PSMD1: variants seen among roughly 807,000 people sequenced by gnomAD.
PSMD1 encodes the protein proteasome 26S subunit, non-ATPase 1, also known as 26S proteasome non-ATPase regulatory subunit 1.
PSMD1 carries 18 observed loss-of-function variants against 119.0 expected under a neutral mutation model. The ratio of observed to expected loss-of-function variants is 0.15; its 90% CI spans 0.10 to 0.22. The LOEUF (loss-of-function observed/expected upper bound fraction) is 0.22. Ranked by LOEUF, PSMD1 falls within the 10% of genes least tolerant of loss-of-function variation. PSMD1 has a pLI of 1.00. For missense variants in PSMD1, 702 were observed against 1,158.5 expected (o/e 0.61, Z 5.72); for synonymous variants, 374 against 396.6 (o/e 0.94, Z 0.68).
chr2:231,164,049 CT>C (rs1158332111), intron 21 of PSMD1, among the ~76,000 whole-genome samples: 2 of 152,206 alleles, frequency 1.3e-5, no homozygotes, highest in Admixed American at 1.3e-4. Context: ...ATTTTTAAAA[CT>C]TTCAATGTAT....
At chr2:231,115,712 G>T (rs554083103) in intron 16 of PSMD1, among the ~76,000 whole-genome samples, 1 of 152,172 alleles carries the variant, frequency 6.6e-6, no homozygotes, top group Admixed American at 6.5e-5. Context: ...TGAATATAGA[G>T]GTAAGGAGGG....
At chr2:231,151,310 A>G (rs758502774) in intron 18 of PSMD1, among the ~76,000 whole-genome samples, 2 of 152,144 alleles carry the variant, frequency 1.3e-5, no homozygotes, top group African/African-American at 4.8e-5. Flanking sequence ...TAGTCTTCAT[A>G]TCTGTAACTA....
chr2:231,139,558 TAA>T (rs35924284), intron 17 of PSMD1, among the ~76,000 whole-genome samples: 23 of 114,320 alleles, frequency 2.0e-4, no homozygotes, highest in African/African-American at 7.2e-4. Context: ...ATTGATTTCT[TAA>T]AAAAAAAAAA....
intron 18 of PSMD1, among the ~76,000 whole-genome samples, chr2:231,150,810 A>T (rs1440770637): frequency 2.6e-5 from 4 of 152,210 alleles, no homozygotes; most frequent in Non-Finnish European, 4.4e-5. Context: ...ACAGACAAAA[A>T]AAACACCTCC....
At chr2:231,150,419 TATATAGAGAC>T (rs540140141) in intron 18 of PSMD1, among the ~76,000 whole-genome samples, 219 of 151,908 alleles carry the variant, frequency 1.4e-3, no homozygotes, top group Middle Eastern at 3.4e-3. Context: ...TATAGACATA[TATATAGAGAC>T]ATATAGAGAC....
chr2:231,098,371 T>G (rs368444980), intron 16 of PSMD1, among the ~76,000 whole-genome samples: 27 of 152,266 alleles, frequency 1.8e-4, no homozygotes, highest in African/African-American at 6.3e-4. Context: ...CTTTACTACT[T>G]CTATCTCTCT....
intron 5 of PSMD1, among the ~76,000 whole-genome samples, chr2:231,068,983 T>A (rs1043475600): frequency 1.3e-5 from 2 of 152,162 alleles, no homozygotes; most frequent in Non-Finnish European, 2.9e-5. Flanking sequence ...TGTGCATAAT[T>A]TATATAGAGT....
intron 9 of PSMD1, among the ~76,000 whole-genome samples, chr2:231,077,917 A>T (rs1180383857): frequency 6.6e-6 from 1 of 152,244 alleles, no homozygotes; most frequent in Non-Finnish European, 1.5e-5. Context: ...GGAGAATCAT[A>T]TAGTCTCCAT....
At position 231,172,715 on chromosome 2, in the gene PSMD1, C is replaced by G. The variant is rs1223370434; in HGVS notation, c.*190C>G. 6.6e-6 allele frequency: 1 copy of G among 152,180 alleles called. No individual in the cohort carries two copies. The highest frequency in any genetic ancestry group is 1.5e-5 in the Non-Finnish European group (1 of 68,050). The allele number at this position is 152,180 out of a possible 1,614,324, so 9.4% of individuals were successfully genotyped here. ...TATGACTGTTGAGTGTGCTCTTTCA[C>G]AGAACTTGGTTTTCAAATAAATATA... On this transcript the variant is annotated 3_prime_UTR_variant, in exon 25 of 25. Coordinates refer to ENST00000308696, the MANE Select transcript of PSMD1 (RefSeq NM_002807.4).
chr2:231,169,356 AC>A (rs893084285), intron 23 of PSMD1, among the ~76,000 whole-genome samples: 16 of 152,132 alleles, frequency 1.1e-4, no homozygotes, highest in Admixed American at 3.3e-4. Context: ...GTTCAAGTAA[AC>A]TTTTAGGCTA....
At chr2:231,081,612 C>G (rs909064409) in intron 12 of PSMD1, among the ~76,000 whole-genome samples, 2 of 152,180 alleles carry the variant, frequency 1.3e-5, no homozygotes, top group Non-Finnish European at 2.9e-5. Flanking sequence ...TTGGGTCACA[C>G]TTTGGCTAGG....
At chr2:231,061,076 G>A (rs910304854) in intron 1 of PSMD1, among the ~76,000 whole-genome samples, 191 bp from the exon 2 acceptor site, 1 of 152,150 alleles carries the variant, frequency 6.6e-6, no homozygotes, top group African/African-American at 2.4e-5. Context: ...TGCCATGAGG[G>A]TTTGATAATA....
chr2:231,106,309 A>C (rs1694972543), intron 16 of PSMD1, among the ~76,000 whole-genome samples: 1 of 152,186 alleles, frequency 6.6e-6, no homozygotes, highest in African/African-American at 2.4e-5. Context: ...TTAACTATAG[A>C]AAGATCTCTG....
chr2:231,090,660 C>T (rs1483180459), intron 16 of PSMD1, among the ~76,000 whole-genome samples: 1 of 152,210 alleles, frequency 6.6e-6, no homozygotes, highest in African/African-American at 2.4e-5. Context: ...AAGCAGTCAC[C>T]ATTCCAGATG....
At chr2:231,160,516 AT>A (rs1337637428) in intron 19 of PSMD1, among the ~76,000 whole-genome samples, 1 of 152,210 alleles carries the variant, frequency 6.6e-6, no homozygotes, top group Non-Finnish European at 1.5e-5. Flanking sequence ...TTTTATATAA[AT>A]TTTTATAAAT....
intron 16 of PSMD1, among the ~76,000 whole-genome samples, chr2:231,116,474 T>G (rs1237025179): frequency 6.6e-6 from 1 of 152,096 alleles, no homozygotes; most frequent in Admixed American, 6.6e-5. Context: ...ACCTGTCTAT[T>G]TAGCTATTCT....
intron 16 of PSMD1, chr2:231,113,950 A>G: frequency 6.2e-7 from 1 of 1,602,522 alleles, no homozygotes; most frequent in Non-Finnish European, 8.5e-7. Flanking sequence ...CAAAAACAAG[A>G]CAAACATTTT....
Position 231,113,776 on chromosome 2 carries a change from C to G in PSMD1, c.1884-24960C>G, listed in dbSNP as rs747647526. The G allele has an allele frequency of 6.8e-6, 11 of 1,613,882 alleles. No individual in the cohort carries two copies. The African/African-American group carries it at 1.3e-4, about 20-fold the overall frequency. On this transcript the variant is annotated intron_variant, in intron 16 of 24. Coordinates refer to ENST00000308696, the MANE Select transcript of PSMD1 (RefSeq NM_002807.4). ...TGTAATCTTGATGAATGCTGTAGCC[C>G]GTGAGTTATATTGATTGGCCTGGAT...
intron 16 of PSMD1, among the ~76,000 whole-genome samples, chr2:231,126,268 G>A (rs192972017): frequency 1.3e-5 from 2 of 152,054 alleles, no homozygotes; most frequent in Admixed American, 6.6e-5. Flanking sequence ...CAAGGGTGGT[G>A]GTTCACACCC....
Sources: gnomAD v4.1 joint callset for allele counts (sites outside exome capture counted in the v4.1 genomes callset) on GRCh38, gnomAD v4.1.1 for gene constraint, MANE v1.5 for transcripts, NCBI Gene and HGNC (gene_info 2026-07-23, HGNC 2026-07-21) for gene names.